PTPRT: variants seen among roughly 807,000 people sequenced by gnomAD.
PTPRT encodes receptor-type tyrosine-protein phosphatase T.
PTPRT carries 56 observed loss-of-function variants against 176.8 expected under a neutral mutation model. The observed-to-expected ratio is 0.32, with a 90% CI of 0.26 to 0.40. The LOEUF (loss-of-function observed/expected upper bound fraction) is 0.40. Among genes scored for constraint, PTPRT ranks in the 10% least tolerant of loss-of-function variants. The pLI, the probability that PTPRT is intolerant of heterozygous loss-of-function variation, is 1.00. For missense variants in PTPRT, 1,540 were observed against 1,908.2 expected (o/e 0.81, Z 3.60); for synonymous variants, 783 against 739.0 (o/e 1.06, Z -0.96).
chr20:42,393,199 G>A (rs1303123913), intron 9 of PTPRT, among the ~76,000 whole-genome samples: 4 of 152,194 alleles, frequency 2.6e-5, no homozygotes, highest in African/African-American at 7.2e-5. Flanking sequence ...GGGGGAAGGT[G>A]AGATATCCTC....
At chr20:42,362,389 A>T (rs2058442945) in intron 9 of PTPRT, among the ~76,000 whole-genome samples, 1 of 151,986 alleles carries the variant, frequency 6.6e-6, no homozygotes, top group African/African-American at 2.4e-5. Flanking sequence ...TCTCGATCTA[A>T]TCGTGAGAAA....
intron 1 of PTPRT, among the ~76,000 whole-genome samples, chr20:43,181,546 T>A (rs955544693): frequency 1.3e-5 from 2 of 152,158 alleles, no homozygotes; most frequent in Admixed American, 1.3e-4. Flanking sequence ...AAACACATAA[T>A]ATGGCAATGT....
intron 2 of PTPRT, among the ~76,000 whole-genome samples, chr20:42,852,924 AG>A (rs34227932): frequency 0.035 from 5,381 of 152,278 alleles, 254 homozygotes; most frequent in African/African-American, 0.11. Flanking sequence ...GGTTCCACCC[AG>A]GTTGCTAGCA....
At chr20:42,311,426 C>T (rs547495963) in intron 12 of PTPRT, among the ~76,000 whole-genome samples, 8 of 152,284 alleles carry the variant, frequency 5.3e-5, no homozygotes, top group African/African-American at 1.7e-4. Flanking sequence ...GTCCAGACCT[C>T]AGAATTCTCC....
At chr20:42,981,720 T>G (rs78195792) in intron 1 of PTPRT, among the ~76,000 whole-genome samples, 33 of 152,320 alleles carry the variant, frequency 2.2e-4, no homozygotes, top group African/African-American at 7.9e-4. Flanking sequence ...AACCACCTAC[T>G]GGACACGCAT....
intron 7 of PTPRT, among the ~76,000 whole-genome samples, chr20:42,580,906 T>C (rs1179123019): frequency 6.6e-6 from 1 of 152,168 alleles, no homozygotes; most frequent in African/African-American, 2.4e-5. Flanking sequence ...TTCCTTCTCC[T>C]GCCTGATTGC....
intron 1 of PTPRT, among the ~76,000 whole-genome samples, chr20:43,034,239 G>A (rs1462057144): frequency 1.3e-5 from 2 of 152,160 alleles, no homozygotes; most frequent in Admixed American, 6.5e-5. Flanking sequence ...CTCAGTACAA[G>A]AGCCCAGACT....
chr20:42,228,693 A>G (rs2056071904), intron 15 of PTPRT, among the ~76,000 whole-genome samples: 1 of 152,218 alleles, frequency 6.6e-6, no homozygotes, highest in African/African-American at 2.4e-5. Context: ...AGACAAAACA[A>G]AATTGGAAGG....
intron 6 of PTPRT, among the ~76,000 whole-genome samples, chr20:42,736,087 G>C (rs2076535360): frequency 6.6e-6 from 1 of 152,230 alleles, no homozygotes; most frequent in Admixed American, 6.5e-5. Context: ...AGAATAAACA[G>C]ATAGTTGGAC....
At chr20:42,892,443 C>T (rs2079209999) in intron 1 of PTPRT, among the ~76,000 whole-genome samples, 1 of 150,732 alleles carries the variant, frequency 6.6e-6, no homozygotes, top group African/African-American at 2.4e-5. Flanking sequence ...ATGATGCTTC[C>T]AGAATAGAAA....
chr20:42,519,786 G>A (rs2072137585), intron 7 of PTPRT, among the ~76,000 whole-genome samples: 1 of 151,908 alleles, frequency 6.6e-6, no homozygotes, highest in African/African-American at 2.4e-5. Context: ...TATTAATTTT[G>A]TTAAATCTTT....
intron 6 of PTPRT, among the ~76,000 whole-genome samples, chr20:42,724,022 G>A (rs991538364): frequency 1.3e-5 from 2 of 152,188 alleles, no homozygotes; most frequent in East Asian, 1.9e-4. Flanking sequence ...AAGCTTGTAT[G>A]TAGCAATGCA....
chr20:42,564,589 G>A (rs1250936685), intron 7 of PTPRT, among the ~76,000 whole-genome samples: 1 of 152,056 alleles, frequency 6.6e-6, no homozygotes, highest in Non-Finnish European at 1.5e-5. Flanking sequence ...AGGTTGTTGG[G>A]GGGACAAGGG....
At chr20:43,016,135 C>T (rs1985357754) in intron 1 of PTPRT, among the ~76,000 whole-genome samples, 1 of 152,088 alleles carries the variant, frequency 6.6e-6, no homozygotes, top group Non-Finnish European at 1.5e-5. Context: ...GTCTACAGAT[C>T]ACACAAGAGT....
intron 6 of PTPRT, among the ~76,000 whole-genome samples, chr20:42,735,773 T>G (rs2146277636): frequency 6.6e-6 from 1 of 152,150 alleles, no homozygotes; most frequent in East Asian, 1.9e-4. Context: ...GGGCTTCTCG[T>G]GCCTCTCTGT....
chr20:42,370,045 T>C (rs2058566909), intron 9 of PTPRT, among the ~76,000 whole-genome samples: 1 of 139,932 alleles, frequency 7.1e-6, no homozygotes, highest in Non-Finnish European at 1.5e-5. Flanking sequence ...TCCAGGTCCA[T>C]GCTTACCCAT....
chr20:42,501,759 T>C (rs1413787869), intron 7 of PTPRT, among the ~76,000 whole-genome samples: 1 of 152,176 alleles, frequency 6.6e-6, no homozygotes, highest in East Asian at 1.9e-4. Flanking sequence ...TAAAAGTGGT[T>C]ATACCAATTT....
At chr20:42,061,485 A>T in the PTPRT span, among the ~76,000 whole-genome samples, 1 of 152,192 alleles carries the variant, frequency 6.6e-6, no homozygotes, top group Non-Finnish European at 1.5e-5. Context: ...ATGTGTTGAT[A>T]GTTTAATCCT....
intron 14 of PTPRT, among the ~76,000 whole-genome samples, chr20:42,237,274 C>T (rs770975138): frequency 6.6e-5 from 10 of 152,240 alleles, no homozygotes; most frequent in East Asian, 1.9e-4. Flanking sequence ...AGTAGATGAC[C>T]GGCGCAAAGT....
Sources: allele counts gnomAD v4.1 joint callset (sites outside exome capture counted in the v4.1 genomes callset), GRCh38; gene constraint gnomAD v4.1.1; transcripts MANE v1.5; gene names NCBI Gene and HGNC (gene_info 2026-07-23, HGNC 2026-07-21).